The following TTLL11 variants were observed in gnomAD, a reference collection of about 807,000 sequenced individuals.
The protein encoded by TTLL11 is tubulin tyrosine ligase like 11, also known as tubulin polyglutamylase TTLL11.
A neutral mutation model predicts 51.7 loss-of-function variants in TTLL11; 42 were observed. The ratio of observed to expected loss-of-function variants is 0.81; its 90% CI spans 0.64 to 1.05. The LOEUF (loss-of-function observed/expected upper bound fraction) is 1.05. Among genes scored for constraint, TTLL11 ranks in the 50% least tolerant of loss-of-function variants. The pLI is 0.00. For missense variants in TTLL11, 799 were observed against 940.4 expected, an observed-to-expected ratio of 0.85 and a Z score of 1.97; for synonymous variants, 381 against 383.5, an observed-to-expected ratio of 0.99 and a Z score of 0.08.
At chr9:121,934,264 A>AAATCAATCAATCAATC (rs1554771165) in intron 6 of TTLL11, among the ~76,000 whole-genome samples, 12 of 151,878 alleles carry the variant, frequency 7.9e-5, no homozygotes, top group African/African-American at 2.9e-4. Context: ...ATAAATAAAT[A>AAATCAATCAATCAATC]AATCCATTCG....
At chr9:121,893,798 G>C (rs893523171) in intron 6 of TTLL11, among the ~76,000 whole-genome samples, 2 of 152,230 alleles carry the variant, frequency 1.3e-5, no homozygotes, top group South Asian at 4.1e-4. Flanking sequence ...CTTAAGCTTA[G>C]ATGGAGACAT....
intron 4 of TTLL11, among the ~76,000 whole-genome samples, chr9:121,983,335 C>G (rs1378510556): frequency 6.6e-6 from 1 of 152,082 alleles, no homozygotes; most frequent in Admixed American, 6.5e-5. Flanking sequence ...ATTAACTATC[C>G]AAGTAGAAAA....
chr9:121,993,632 A>G (rs1176380130), intron 3 of TTLL11, among the ~76,000 whole-genome samples: 1 of 152,244 alleles, frequency 6.6e-6, no homozygotes, highest in Non-Finnish European at 1.5e-5. Flanking sequence ...TGTTGGGATC[A>G]GCACATTGGG....
rs1282895343 is a variant in TTLL11, at chr9:121,995,521, G to A, written c.694-5751C>T. Among the ~76,000 whole-genome samples the A allele has an allele frequency of 6.6e-6, 1 of 152,134 alleles. No individual in the cohort carries two copies. Among genetic ancestry groups the A allele is most frequent in the Non-Finnish European group, 1.5e-5 (1 of 68,016 alleles). ...AAGGCGAGAGAGGAAAGGGTCATGG[G>A]TGAGCTCACGGTTTGGGACTTCAGC... On this transcript the variant is annotated intron_variant, in intron 3 of 8. Transcript: ENST00000321582. The surrounding 1 kb of genome is among the most constrained non-coding windows in gnomAD (Gnocchi z 4.4).
chr9:122,071,840 T>C (rs911191685), intron 1 of TTLL11, among the ~76,000 whole-genome samples: 39 of 152,182 alleles, frequency 2.6e-4, no homozygotes, highest in Non-Finnish European at 1.9e-4. Flanking sequence ...TACCTTGCTG[T>C]CTCTGCAGAT....
intron 6 of TTLL11, among the ~76,000 whole-genome samples, chr9:121,903,542 TTC>T (rs1208485144): frequency 6.6e-6 from 1 of 152,208 alleles, no homozygotes; most frequent in African/African-American, 2.4e-5. Flanking sequence ...TCTTCAGATC[TTC>T]TGTTTTCTTA....
intron 6 of TTLL11, among the ~76,000 whole-genome samples, chr9:121,939,801 G>A (rs1337177174): frequency 6.6e-6 from 1 of 152,166 alleles, no homozygotes; most frequent in Non-Finnish European, 1.5e-5. Flanking sequence ...ACCCAGCCCA[G>A]CCTGCAGACA....
At chr9:121,987,575 T>C (rs943591236) in intron 4 of TTLL11, among the ~76,000 whole-genome samples, 3 of 152,158 alleles carry the variant, frequency 2.0e-5, no homozygotes, top group Non-Finnish European at 2.9e-5. Context: ...AAGACAATTC[T>C]CACTGAAGTC....
intron 6 of TTLL11, among the ~76,000 whole-genome samples, chr9:121,909,407 C>T (rs1490801587): frequency 1.3e-5 from 2 of 152,058 alleles, no homozygotes; most frequent in Non-Finnish European, 2.9e-5. Context: ...GTCATGCAGG[C>T]CTGCACTAAA....
At chr9:122,069,831 C>T (rs1235981123) in intron 1 of TTLL11, among the ~76,000 whole-genome samples, 1 of 152,016 alleles carries the variant, frequency 6.6e-6, no homozygotes, top group Non-Finnish European at 1.5e-5. Context: ...ACAAAAACAG[C>T]CTTTCCTAGA....
Position 121,906,656 on chromosome 9 carries a change from G to A in TTLL11, c.1482-35908C>T, listed in dbSNP as rs368683218. Among the ~76,000 whole-genome samples, 9 of 152,104 alleles carry A rather than the reference G, an allele frequency of 5.9e-5. No individual in the cohort carries two copies. The East Asian group carries it at 1.7e-3, about 29-fold the overall frequency. On this transcript the variant is annotated intron_variant, in intron 6 of 8. Transcript: ENST00000321582. ...TGGCTTGCTGGGAATCCTATGTGTAGGGCAGGTTGGAAAGGGAAAGGGGAA... is the reference window on the plus strand; with the variant it reads ...TGGCTTGCTGGGAATCCTATGTGTAAGGCAGGTTGGAAAGGGAAAGGGGAA...
At chr9:121,824,322 A>C (rs1483605500) in intron 8 of TTLL11, among the ~76,000 whole-genome samples, 2 of 151,968 alleles carry the variant, frequency 1.3e-5, no homozygotes, top group East Asian at 1.9e-4. Context: ...TAAAAATACC[A>C]AAACTAGCTG....
At position 121,974,918 on chromosome 9, in the gene TTLL11, G is replaced by A. The variant is rs1187676742; in HGVS notation, c.1331C>T (p.Ala444Val). 3 of 1,543,006 alleles carry A rather than the reference G, an allele frequency of 1.9e-6. No homozygotes were observed. Among genetic ancestry groups the A allele is most frequent in the Non-Finnish European group, 2.6e-6 (3 of 1,145,124 alleles). Residue 444 changes from alanine (A) to valine (V), a missense_variant, in exon 5 of 9, where the codon GCA (alanine) becomes GTA (valine). Transcript: ENST00000321582. ...NLKPILLEVN[A>V]NPSMRIEHEH... Reference sequence around the variant, plus strand: ...ATGTTCGATTCTCATACTGGGATTTGCATTTACTTCAAGTAGTATAGGCTT... The same window carrying A: ...ATGTTCGATTCTCATACTGGGATTTACATTTACTTCAAGTAGTATAGGCTT...
intron 6 of TTLL11, among the ~76,000 whole-genome samples, chr9:121,899,901 T>C (rs1365163018): frequency 1.3e-5 from 2 of 152,220 alleles, no homozygotes; most frequent in African/African-American, 2.4e-5. Context: ...AAATTACCCT[T>C]CCAAATGTCT....
In TTLL11 at chr9:121,822,209, A is replaced by T; in HGVS notation, c.*378T>A. 1 of 155,364 alleles carries T rather than the reference A, an allele frequency of 6.4e-6. No homozygotes were observed. The highest frequency in any genetic ancestry group is 1.4e-5 in the Non-Finnish European group (1 of 70,292). 9.6% of individuals were successfully genotyped at this position (155,364 alleles called of 1,614,324 possible). A position where few individuals can be genotyped will look rare whatever the true frequency, so the allele number is the denominator to read the frequency against. ...CGTGGAGGCCCCGGCAGCAGATCCTAACACTCGGCTTCCTCTCCACAGCTC... is the reference window on the plus strand; with the variant it reads ...CGTGGAGGCCCCGGCAGCAGATCCTTACACTCGGCTTCCTCTCCACAGCTC... On this transcript the variant is annotated 3_prime_UTR_variant, in exon 9 of 9. Coordinates refer to ENST00000321582, the MANE Select transcript of TTLL11 (RefSeq NM_001139442.2). This position sits in a 1 kb window ranked among gnomAD's most constrained non-coding sequence, Gnocchi z 5.8.
intron 6 of TTLL11, among the ~76,000 whole-genome samples, chr9:121,928,521 A>G (rs1039342766): frequency 3.3e-5 from 5 of 151,072 alleles, no homozygotes; most frequent in African/African-American, 9.8e-5. Context: ...GTTCACTGCA[A>G]TCTCCACCTC....
At chr9:121,852,268 T>C (rs971778135) in intron 8 of TTLL11, among the ~76,000 whole-genome samples, 1 of 152,182 alleles carries the variant, frequency 6.6e-6, no homozygotes, top group Non-Finnish European at 1.5e-5. Flanking sequence ...TTGGGCCAGG[T>C]GCATACTTTA....
chr9:122,018,454 T>C (rs186955113), intron 3 of TTLL11, among the ~76,000 whole-genome samples: 2 of 152,308 alleles, frequency 1.3e-5, no homozygotes, highest in Admixed American at 6.5e-5. Flanking sequence ...TTGCAGCTAA[T>C]AAAGTGTTTC....
chr9:121,972,053 C>A (rs936377762), intron 6 of TTLL11, among the ~76,000 whole-genome samples: 1 of 150,376 alleles, frequency 6.6e-6, no homozygotes, highest in African/African-American at 2.5e-5. Flanking sequence ...ATGGGTGCAG[C>A]AAATCACCAT....
Sources: allele counts gnomAD v4.1 joint callset (sites outside exome capture counted in the v4.1 genomes callset), GRCh38; gene constraint gnomAD v4.1.1; non-coding constraint Gnocchi (gnomAD v3.1); transcripts MANE v1.5; gene names NCBI Gene and HGNC (gene_info 2026-07-23, HGNC 2026-07-21).